Variants in ARHGAP15 observed in about 807,000 individuals in gnomAD.
ARHGAP15 encodes Rho GTPase activating protein 15.
Under a neutral mutation model 63.7 loss-of-function variants are expected in ARHGAP15, and 51 were observed. The observed-to-expected ratio is 0.80, with a 90% CI of 0.64 to 1.01. The LOEUF (loss-of-function observed/expected upper bound fraction) is 1.01. Ranked by LOEUF, ARHGAP15 falls within the 50% of genes least tolerant of loss-of-function variation. ARHGAP15 has a pLI of 0.00. For synonymous variants in ARHGAP15, 191 were observed against 193.8 expected (o/e 0.99, Z 0.12); for missense variants, 560 against 564.6 (o/e 0.99, Z 0.08).
intron 5 of ARHGAP15, among the ~76,000 whole-genome samples, chr2:143,230,242 C>A (rs570045580): frequency 6.6e-6 from 1 of 151,938 alleles, no homozygotes; most frequent in Non-Finnish European, 1.5e-5. Flanking sequence ...AGAGTTTATG[C>A]GAATGTGTGG....
intron 10 of ARHGAP15, among the ~76,000 whole-genome samples, chr2:143,556,199 AC>A (rs1260458849): frequency 6.6e-6 from 1 of 152,056 alleles, no homozygotes; most frequent in African/African-American, 2.4e-5. Context: ...CCTCAATTAG[AC>A]CCAAATTTAT....
chr2:143,193,536 A>G (rs1691758182), intron 2 of ARHGAP15: 1 of 152,692 alleles, frequency 6.5e-6, no homozygotes, highest in Non-Finnish European at 1.5e-5. Context: ...GAATAAGTGA[A>G]GAAAGGAAAC....
intron 12 of ARHGAP15, among the ~76,000 whole-genome samples, chr2:143,683,816 G>A (rs972162599): frequency 6.6e-6 from 1 of 151,996 alleles, no homozygotes; most frequent in Non-Finnish European, 1.5e-5. Flanking sequence ...GATCCTCCAA[G>A]ACTTTGTTTT....
chr2:143,753,983 A>G (rs1034558825), intron 13 of ARHGAP15, among the ~76,000 whole-genome samples: 3 of 152,146 alleles, frequency 2.0e-5, no homozygotes, highest in Admixed American at 2.0e-4. Flanking sequence ...CCACAGATCT[A>G]ATGTTCTAAT....
At chr2:143,311,389 A>T (rs908146409) in intron 6 of ARHGAP15, among the ~76,000 whole-genome samples, 1 of 151,772 alleles carries the variant, frequency 6.6e-6, no homozygotes, top group Non-Finnish European at 1.5e-5. Context: ...GAAAAATTTC[A>T]TTCAGTTCCC....
chr2:143,612,268 G>A (rs1698286091), intron 11 of ARHGAP15, among the ~76,000 whole-genome samples: 1 of 152,126 alleles, frequency 6.6e-6, no homozygotes, highest in Admixed American at 6.6e-5. Flanking sequence ...TGCTAGAACA[G>A]TGGTCCTCAG....
intron 10 of ARHGAP15, among the ~76,000 whole-genome samples, chr2:143,543,347 T>C (rs959731832): frequency 1.3e-5 from 2 of 152,186 alleles, no homozygotes; most frequent in African/African-American, 2.4e-5. Flanking sequence ...TGTCTTTTTT[T>C]GAGAAGTATC....
chr2:143,133,845 T>C (rs1156448137), intron 1 of ARHGAP15, among the ~76,000 whole-genome samples: 2 of 152,270 alleles, frequency 1.3e-5, no homozygotes, highest in East Asian at 3.9e-4. Context: ...GTAAAAACCA[T>C]ATATATATGC....
chr2:143,757,573 G>A (rs1008145890), intron 13 of ARHGAP15, among the ~76,000 whole-genome samples: 3 of 151,898 alleles, frequency 2.0e-5, no homozygotes, highest in Non-Finnish European at 2.9e-5. Flanking sequence ...GCACAGTACC[G>A]TATACCAGGG....
chr2:143,152,449 C>T (rs1041371581), intron 1 of ARHGAP15, among the ~76,000 whole-genome samples: 1 of 151,970 alleles, frequency 6.6e-6, no homozygotes, highest in African/African-American at 2.4e-5. Context: ...TGCCATTGCT[C>T]CTCTCCCCAC....
At chr2:143,352,189 AT>A (rs1685603190) in intron 6 of ARHGAP15, among the ~76,000 whole-genome samples, 2 of 152,082 alleles carry the variant, frequency 1.3e-5, no homozygotes, top group South Asian at 4.1e-4. Flanking sequence ...ATATTTAGTG[AT>A]TTTTAGTTTT....
chr2:143,551,333 C>CG (rs552928968), intron 10 of ARHGAP15, among the ~76,000 whole-genome samples: 264 of 151,738 alleles, frequency 1.7e-3, no homozygotes, highest in African/African-American at 6.3e-3. Flanking sequence ...TAAATTTTGG[C>CG]GGGGGGAAGA....
At chr2:143,267,038 G>A (rs1681033139) in intron 6 of ARHGAP15, among the ~76,000 whole-genome samples, 1 of 152,152 alleles carries the variant, frequency 6.6e-6, no homozygotes, top group Middle Eastern at 3.2e-3. Context: ...AGTGGCATAT[G>A]TCACGTCTGT....
intron 9 of ARHGAP15, among the ~76,000 whole-genome samples, chr2:143,508,867 G>C (rs760295678): frequency 6.6e-6 from 1 of 152,152 alleles, no homozygotes; most frequent in Admixed American, 6.5e-5. Context: ...AGCTGAAAAC[G>C]AGGGGCCAAA....
At position 143,267,586 on chromosome 2, in the gene ARHGAP15, G is replaced by T. The variant is rs1187722978; in HGVS notation, c.474+16986G>T. Among the ~76,000 whole-genome samples the T allele has an allele frequency of 2.6e-5, 4 of 152,130 alleles. No homozygotes were observed. The South Asian group carries it at 6.2e-4, about 24-fold the overall frequency. ...TGAAGGTGACAAAAATGAGGTAAGG[G>T]TTGAAAAGTATTTGCTTTCAGTAAT... On this transcript the variant is annotated intron_variant, in intron 6 of 13. Transcript: ENST00000295095.
At chr2:143,225,652 A>T (rs1377224155) in intron 4 of ARHGAP15, among the ~76,000 whole-genome samples, 3 of 152,184 alleles carry the variant, frequency 2.0e-5, no homozygotes, top group Non-Finnish European at 4.4e-5. Flanking sequence ...ACCAGACAGC[A>T]TAAAGTAACG....
chr2:143,213,606 C>T (rs893679632), intron 3 of ARHGAP15, among the ~76,000 whole-genome samples: 7 of 152,138 alleles, frequency 4.6e-5, no homozygotes, highest in Admixed American at 2.0e-4. Context: ...AGATATACTA[C>T]GTGTAGAAAT....
At chr2:143,171,970 G>T (rs915231786) in intron 2 of ARHGAP15, 19 of 149,960 alleles carry the variant, frequency 1.3e-4, no homozygotes, top group Admixed American at 1.2e-3. Flanking sequence ...TTAGAATGTA[G>T]TTTTTTTTTT....
intron 13 of ARHGAP15, among the ~76,000 whole-genome samples, chr2:143,726,339 G>T (rs988655796): frequency 6.6e-6 from 1 of 151,990 alleles, no homozygotes; most frequent in Admixed American, 6.5e-5. Context: ...TGCCAAAGAG[G>T]CAGTGTTTTT....
Sources: gnomAD v4.1 joint callset for allele counts (sites outside exome capture counted in the v4.1 genomes callset) on GRCh38, gnomAD v4.1.1 for gene constraint, MANE v1.5 for transcripts, NCBI Gene and HGNC (gene_info 2026-07-23, HGNC 2026-07-21) for gene names.